ALK: variants seen among roughly 807,000 people sequenced by gnomAD.
The protein encoded by ALK is ALK receptor tyrosine kinase.
A neutral mutation model predicts 163.1 loss-of-function variants in ALK; 74 were observed. That is an observed-to-expected ratio of 0.45 (90% CI 0.38 to 0.55). The LOEUF (loss-of-function observed/expected upper bound fraction) is 0.55, where lower values mean the gene tolerates loss of function less well. Among genes scored for constraint, ALK ranks in the 20% least tolerant of loss-of-function variants. ALK has a pLI of 0.00. For missense variants in ALK, 2,063 were observed against 2,105.3 expected (o/e 0.98, Z 0.39); for synonymous variants, 960 against 843.2 (o/e 1.14, Z -2.40).
intron 3 of ALK, among the ~76,000 whole-genome samples, chr2:29,584,404 A>G (rs995377427): frequency 6.6e-6 from 1 of 152,182 alleles, no homozygotes; most frequent in Non-Finnish European, 1.5e-5. Flanking sequence ...TAGTCAAATA[A>G]ATTGGAGCAG....
Position 29,862,824 on chromosome 2 carries a change from G to GAA in ALK, c.667+57167_667+57168dup, listed in dbSNP as rs58724138. Among the ~76,000 whole-genome samples the GAA allele has an allele frequency of 2.3e-3, 339 of 145,892 alleles. 2 individuals carry two copies. The highest frequency in any genetic ancestry group is 5.5e-3 in the African/African-American group (218 of 39,688). ...CCCAGAATAGCCAAAGCAATCTTGA[G>GAA]AAAAAAAAAAACTGGGGGCATCACA... is the stretch of plus-strand genomic sequence containing the variant. On this transcript the variant is annotated intron_variant, in intron 1 of 28. Coordinates refer to ENST00000389048, the MANE Select transcript of ALK (RefSeq NM_004304.5).
In ALK at chr2:29,542,385, C is replaced by T. The variant is rs945554369; in HGVS notation, c.953-10269G>A. ...TAATTTGTATCAGTTGCTTTCTGGG[C>T]CTACGGTACAGCTATTATTCTGAAA... On this transcript the variant is annotated intron_variant, in intron 3 of 28. Transcript: ENST00000389048. 8.0e-4 allele frequency among the ~76,000 whole-genome samples: 122 copies of T among 152,236 alleles called. 1 individual carries two copies. The highest frequency in any genetic ancestry group is 2.9e-3 in the African/African-American group (122 of 41,554).
At chr2:29,880,108 T>C (rs987561875) in intron 1 of ALK, among the ~76,000 whole-genome samples, 8 of 152,204 alleles carry the variant, frequency 5.3e-5, no homozygotes, top group African/African-American at 1.9e-4. Context: ...ATGCCATCTT[T>C]TCTGCAGACC....
At chr2:29,643,325 A>T (rs1231727519) in intron 3 of ALK, among the ~76,000 whole-genome samples, 1 of 152,234 alleles carries the variant, frequency 6.6e-6, no homozygotes, top group Non-Finnish European at 1.5e-5. Flanking sequence ...GTGTGTGGAC[A>T]TCTGAACATA....
chr2:29,325,469 T>C (rs1242429544), intron 6 of ALK, among the ~76,000 whole-genome samples: 1 of 152,210 alleles, frequency 6.6e-6, no homozygotes, highest in Non-Finnish European at 1.5e-5. Context: ...GGCATCACTT[T>C]ACAGATGAGG....
rs145186663 is a variant in ALK at position 29,609,188 on chromosome 2, T to G, written c.953-77072A>C. On this transcript the variant is annotated intron_variant, in intron 3 of 28. Coordinates refer to ENST00000389048, the MANE Select transcript of ALK (RefSeq NM_004304.5). ...ATCTGCCTGCCTCGGCCTCCCAGAG[T>G]GCTGGGATTACAGGTGTGAGCCACC... 2.9e-3 allele frequency among the ~76,000 whole-genome samples: 443 copies of G among 152,258 alleles called. 1 individual carries two copies. Among genetic ancestry groups the G allele is most frequent in the African/African-American group, 0.01 (422 of 41,552 alleles).
intron 9 of ALK, among the ~76,000 whole-genome samples, chr2:29,296,658 G>C (rs1020828574): frequency 3.3e-5 from 5 of 152,210 alleles, no homozygotes; most frequent in Non-Finnish European, 5.9e-5. Context: ...CCCGAGACAA[G>C]TGTTCAGTAG....
intron 3 of ALK, among the ~76,000 whole-genome samples, chr2:29,658,500 T>A (rs1433547426): frequency 6.6e-6 from 1 of 152,202 alleles, no homozygotes; most frequent in African/African-American, 2.4e-5. Flanking sequence ...TGTCAACTAC[T>A]TGCCAAATAC....
intron 4 of ALK, among the ~76,000 whole-genome samples, chr2:29,478,228 GC>G (rs1437816268): frequency 6.6e-6 from 1 of 152,230 alleles, no homozygotes; most frequent in Non-Finnish European, 1.5e-5. Context: ...GGCCCATGTT[GC>G]CCTCCTCTCA....
chr2:29,348,158 AATG>A (rs1458101125), intron 5 of ALK, among the ~76,000 whole-genome samples: 1 of 152,044 alleles, frequency 6.6e-6, no homozygotes, highest in African/African-American at 2.4e-5. Flanking sequence ...GCAGGGGTGG[AATG>A]CATGAGTTGT....
At chr2:29,711,853 A>G (rs1205497700) in intron 2 of ALK, among the ~76,000 whole-genome samples, 1 of 151,760 alleles carries the variant, frequency 6.6e-6, no homozygotes, top group African/African-American at 2.4e-5. Flanking sequence ...TCCCTTTGTC[A>G]GTGTCTGTCC....
chr2:29,760,464 G>A (rs1367788849), intron 1 of ALK, among the ~76,000 whole-genome samples: 1 of 152,190 alleles, frequency 6.6e-6, no homozygotes, highest in Non-Finnish European at 1.5e-5. Context: ...TACATAGTAA[G>A]TGCTTGATAA....
intron 1 of ALK, among the ~76,000 whole-genome samples, chr2:29,785,577 T>C (rs1023763020): frequency 6.6e-6 from 1 of 152,130 alleles, no homozygotes. Flanking sequence ...TTAACAGAGG[T>C]GAGTTACATG....
chr2:29,815,989 G>A (rs1454204028), intron 1 of ALK, among the ~76,000 whole-genome samples: 1 of 152,172 alleles, frequency 6.6e-6, no homozygotes, highest in African/African-American at 2.4e-5. Flanking sequence ...AGTGAATTAG[G>A]GCCACATGGC....
chr2:29,201,615 C>T (rs543413581), intron 26 of ALK, among the ~76,000 whole-genome samples: 4 of 152,020 alleles, frequency 2.6e-5, no homozygotes, highest in African/African-American at 7.2e-5. Flanking sequence ...GGTGAAATCC[C>T]GTCTCTACTA....
intron 4 of ALK, among the ~76,000 whole-genome samples, chr2:29,484,316 TACAC>T (rs142241481): frequency 6.6e-6 from 1 of 151,594 alleles, no homozygotes; most frequent in Non-Finnish European, 1.5e-5. Context: ...AATGGGTCAT[TACAC>T]ACACACACAC....
intron 1 of ALK, among the ~76,000 whole-genome samples, chr2:29,763,078 C>A (rs1680756024): frequency 7.2e-6 from 1 of 139,682 alleles, no homozygotes; most frequent in African/African-American, 2.7e-5. Context: ...CAGAGTGAGA[C>A]TCCATCTCAA....
chr2:29,239,769 C>T lies in ALK; in HGVS notation c.2266G>A (p.Gly756Ser), dbSNP rs747611056. The T allele has an allele frequency of 1.2e-5, 19 of 1,613,916 alleles. No homozygotes were observed. Among genetic ancestry groups the T allele is most frequent in the Admixed American group, 8.3e-5 (5 of 60,010 alleles). Residue 756 changes from glycine to serine, a missense_variant, in exon 13 of 29, where the codon GGC becomes AGC. By Grantham distance (56) the Gly-to-Ser change is moderately conservative. This residue lies in a region of ALK where 575 missense variants were observed against 626.6 expected (regional missense o/e 0.92). Coordinates refer to ENST00000389048, the MANE Select transcript of ALK (RefSeq NM_004304.5). ...GGKNTMMRSH[G>S]VSVLGIFNLE... ...TTGAAGATGCCCAGCACAGACACGC[C>T]GTGGGACCGCATCATGGTGTTCTTC...
intron 1 of ALK, among the ~76,000 whole-genome samples, chr2:29,760,567 T>C (rs891425842): frequency 6.6e-6 from 1 of 152,126 alleles, no homozygotes; most frequent in African/African-American, 2.4e-5. Context: ...CATGTCAAAA[T>C]GGACCCATCA....
Sources: allele counts gnomAD v4.1 joint callset (sites outside exome capture counted in the v4.1 genomes callset), GRCh38; gene constraint gnomAD v4.1.1; regional missense constraint gnomAD v4.1.1; transcripts MANE v1.5; gene names NCBI Gene and HGNC (gene_info 2026-07-23, HGNC 2026-07-21).